The following TRDN variants were observed in gnomAD, a reference collection of about 807,000 sequenced individuals.
The protein encoded by TRDN is triadin in skeletal muscle.
In TRDN, 161 loss-of-function variants were observed where a neutral mutation model predicts 149.7. That is an observed-to-expected ratio of 1.08 (90% CI 0.95 to 1.23). The LOEUF (loss-of-function observed/expected upper bound fraction) is 1.23. TRDN is among the 50% of genes most tolerant of loss of function. TRDN has a pLI of 0.00. For missense variants in TRDN, 896 were observed against 823.5 expected (o/e 1.09, Z -1.08); for synonymous variants, 294 against 250.5 (o/e 1.17, Z -1.64).
At chr6:123,615,834 G>A (rs1163904529) in intron 1 of TRDN, among the ~76,000 whole-genome samples, 1 of 152,064 alleles carries the variant, frequency 6.6e-6, no homozygotes, top group African/African-American at 2.4e-5. Context: ...CTGTCCTACA[G>A]CATTGTAAAG....
At chr6:123,576,379 A>G (rs923891327) in intron 1 of TRDN, among the ~76,000 whole-genome samples, 1 of 152,076 alleles carries the variant, frequency 6.6e-6, no homozygotes, top group Non-Finnish European at 1.5e-5. Flanking sequence ...GGTTTTTGGG[A>G]TATGATTATC....
At chr6:123,514,096 G>T (rs1359174860) in intron 6 of TRDN, among the ~76,000 whole-genome samples, 1 of 152,100 alleles carries the variant, frequency 6.6e-6, no homozygotes, top group Non-Finnish European at 1.5e-5. Context: ...TGGGTGCTGT[G>T]GCTCACACCT....
chr6:123,277,303 T>G (rs2114624034), intron 26 of TRDN, among the ~76,000 whole-genome samples: 1 of 152,236 alleles, frequency 6.6e-6, no homozygotes, highest in Non-Finnish European at 1.5e-5. Flanking sequence ...TGGTTAGGAC[T>G]TTTAGAAATG....
intron 4 of TRDN, among the ~76,000 whole-genome samples, chr6:123,546,263 A>T (rs1209291602): frequency 6.6e-6 from 1 of 152,108 alleles, no homozygotes; most frequent in East Asian, 1.9e-4. Flanking sequence ...GAGCTTTATA[A>T]ACACTTTCAT....
chr6:123,255,148 T>A (rs1176115788), intron 36 of TRDN, 23 bp from the exon 37 acceptor site: 1 of 1,097,072 alleles, frequency 9.1e-7, no homozygotes, highest in East Asian at 2.7e-5. Context: ...AAAATGTAAA[T>A]TAAAATATAA....
intron 12 of TRDN, among the ~76,000 whole-genome samples, chr6:123,415,751 G>C (rs1392641772): frequency 1.3e-5 from 2 of 152,122 alleles, no homozygotes; most frequent in Non-Finnish European, 2.9e-5. Flanking sequence ...GTAGACATTA[G>C]GCTAATTTCA....
intron 33 of TRDN, 70 bp downstream of exon 33, chr6:123,265,248 A>C: frequency 8.5e-7 from 1 of 1,174,872 alleles, no homozygotes; most frequent in Non-Finnish European, 1.2e-6. Context: ...CTTCAGTTAT[A>C]ACTCAAAGAA....
At position 123,571,142 on chromosome 6, in the gene TRDN, C is replaced by T. The variant is rs1026813560; in HGVS notation, c.23-10G>A. ...GTTGTAGATGCATTTCCTAATCAAACATTCAGAAAGGAAAATATAATTTAG... is the reference window on the plus strand; with the variant it reads ...GTTGTAGATGCATTTCCTAATCAAATATTCAGAAAGGAAAATATAATTTAG... On this transcript the variant is annotated splice_polypyrimidine_tract_variant and intron_variant, in intron 1 of 40. Transcript: ENST00000334268. 2 of 1,613,088 alleles carry T rather than the reference C, an allele frequency of 1.2e-6. No individual in the cohort carries two copies. The highest frequency in any genetic ancestry group is 1.1e-5 in the South Asian group (1 of 91,046).
chr6:123,391,908 T>C (rs1309036581), intron 13 of TRDN, among the ~76,000 whole-genome samples: 1 of 152,106 alleles, frequency 6.6e-6, no homozygotes, highest in Non-Finnish European at 1.5e-5. Flanking sequence ...TAATTATTTA[T>C]ATGCATAATT....
chr6:123,444,708 T>G (rs1206818419), intron 10 of TRDN, among the ~76,000 whole-genome samples: 1 of 152,144 alleles, frequency 6.6e-6, no homozygotes, highest in Non-Finnish European at 1.5e-5. Context: ...AATACCTAAT[T>G]TATTGAGAGT....
At chr6:123,462,716 T>C (rs1440180395) in intron 10 of TRDN, 4 of 152,190 alleles carry the variant, frequency 2.6e-5, no homozygotes, top group Admixed American at 6.5e-5. Flanking sequence ...TTTTTTCTTT[T>C]TGCAGCTTGG....
At chr6:123,388,637 T>A (rs990758858) in intron 13 of TRDN, 86 bp from the exon 14 acceptor site, 1 of 1,484,980 alleles carries the variant, frequency 6.7e-7, no homozygotes, top group Non-Finnish European at 9.2e-7. Flanking sequence ...TTCCACATAT[T>A]CATAAATTCA....
intron 20 of TRDN, 44 bp from the exon 21 acceptor site, chr6:123,352,630 A>G (rs1380263043): frequency 6.3e-7 from 1 of 1,575,896 alleles, no homozygotes; most frequent in Admixed American, 2.0e-5. Context: ...CCAGACAGAA[A>G]TACTGCTTCT....
intron 20 of TRDN, among the ~76,000 whole-genome samples, chr6:123,361,945 G>A (rs763972061): frequency 2.3e-4 from 35 of 152,114 alleles, no homozygotes; most frequent in Non-Finnish European, 3.8e-4. Flanking sequence ...TGGAGCTCTA[G>A]TTTTATTTCT....
intron 21 of TRDN, among the ~76,000 whole-genome samples, chr6:123,341,225 A>G (rs1312816920): frequency 4.0e-5 from 6 of 148,674 alleles, no homozygotes; most frequent in African/African-American, 1.2e-4. Flanking sequence ...TCTGAAAGAT[A>G]TAACAGACTA....
intron 10 of TRDN, among the ~76,000 whole-genome samples, chr6:123,442,545 C>CAAAAAAAAAAAAAA (rs1434202710): frequency 2.7e-5 from 1 of 36,430 alleles, no homozygotes; most frequent in African/African-American, 1.0e-4. Context: ...GACTCCGTCT[C>CAAAAAAAAAAAAAA]AAAAAAAAAA....
intron 21 of TRDN, chr6:123,350,645 T>G: frequency 2.7e-6 from 2 of 754,298 alleles, no homozygotes; most frequent in Non-Finnish European, 3.2e-6. Flanking sequence ...ATTTTTTGTA[T>G]CAGTTATTAG....
At chr6:123,362,326 C>T (rs1261786394) in intron 20 of TRDN, among the ~76,000 whole-genome samples, 1 of 152,062 alleles carries the variant, frequency 6.6e-6, no homozygotes, top group Admixed American at 6.6e-5. Flanking sequence ...TTATTAGTTA[C>T]TCTCCCTAAA....
intron 4 of TRDN, among the ~76,000 whole-genome samples, chr6:123,535,542 A>G (rs1780487208): frequency 6.6e-6 from 1 of 152,126 alleles, no homozygotes; most frequent in Admixed American, 6.6e-5. Flanking sequence ...ACATTATCAT[A>G]CTGGGCTTTA....
Sources: allele counts gnomAD v4.1 joint callset (sites outside exome capture counted in the v4.1 genomes callset), GRCh38; gene constraint gnomAD v4.1.1; transcripts MANE v1.5; gene names NCBI Gene and HGNC (gene_info 2026-07-23, HGNC 2026-07-21).